The following PDIA6 variants were observed in gnomAD, a reference collection of about 807,000 sequenced individuals.
The protein encoded by PDIA6 is protein disulfide isomerase family A member 6.
In PDIA6, 29 loss-of-function variants were observed where a neutral mutation model predicts 58.4. The ratio of observed to expected loss-of-function variants is 0.50; its 90% CI spans 0.37 to 0.68. PDIA6 has a LOEUF of 0.68. Ranked by LOEUF, PDIA6 falls within the 30% of genes least tolerant of loss-of-function variation. PDIA6 has a pLI of 0.00. For synonymous variants in PDIA6, 192 were observed against 202.6 expected, an observed-to-expected ratio of 0.95 and a Z score of 0.44; for missense variants, 480 against 551.0, an observed-to-expected ratio of 0.87 and a Z score of 1.29.
chr2:10,786,034 C>A (rs964018266), intron 11 of PDIA6, among the ~76,000 whole-genome samples: 2 of 152,056 alleles, frequency 1.3e-5, no homozygotes, highest in East Asian at 2.0e-4. Context: ...AATGAAAACA[C>A]CCCCTTGGCC....
intron 7 of PDIA6, 63 bp from the exon 8 acceptor site, chr2:10,789,952 T>C: frequency 1.4e-6 from 2 of 1,472,062 alleles, no homozygotes; most frequent in Non-Finnish European, 1.9e-6. Flanking sequence ...ACACAATCTT[T>C]ACAGTTTCTA....
chr2:10,816,956 CA>C (rs1667215907), upstream of PDIA6, among the ~76,000 whole-genome samples: 1 of 152,176 alleles, frequency 6.6e-6, no homozygotes, highest in Non-Finnish European at 1.5e-5. Flanking sequence ...AATGACATAT[CA>C]AAAGCCAGAA....
At chr2:10,832,332 C>T in exon 1 of PDIA6, 1 of 764,038 alleles carries the variant, frequency 1.3e-6, no homozygotes, top group Non-Finnish European at 1.6e-6. Context: ...TCTGCTCACA[C>T]AGTGCAATGC....
intron 2 of PDIA6, among the ~76,000 whole-genome samples, chr2:10,800,981 T>A (rs1384605451): frequency 1.3e-5 from 2 of 151,954 alleles, no homozygotes; most frequent in Non-Finnish European, 2.9e-5. Flanking sequence ...AAAAGGAAGT[T>A]AAAAAGCACC....
At chr2:10,793,550 GAC>G (rs1304147343) in intron 4 of PDIA6, among the ~76,000 whole-genome samples, 2 of 152,164 alleles carry the variant, frequency 1.3e-5, no homozygotes, top group African/African-American at 2.4e-5. Flanking sequence ...TTTTAGTAGA[GAC>G]AGGATTTCAC....
At chr2:10,809,645 CAAAAAA>C (rs56308831) in intron 1 of PDIA6, among the ~76,000 whole-genome samples, 58 of 64,672 alleles carry the variant, frequency 9.0e-4, no homozygotes, top group African/African-American at 2.5e-3. Flanking sequence ...GACCCGGTCT[CAAAAAA>C]AAAAAAAAAA....
chr2:10,812,767 G>T lies in PDIA6; in HGVS notation c.-71C>A, dbSNP rs561844398. Reference sequence around the variant, plus strand: ...AGCCCTGCAGCGTGCCGCACGCCGCGCCCCCGCGCCCACGTCCCGCCCCAG... The same window carrying T: ...AGCCCTGCAGCGTGCCGCACGCCGCTCCCCCGCGCCCACGTCCCGCCCCAG... On this transcript the variant is annotated 5_prime_UTR_variant, in exon 1 of 13. Coordinates refer to ENST00000272227, the MANE Select transcript of PDIA6 (RefSeq NM_005742.4). The T allele has an allele frequency of 1.5e-6, 2 of 1,333,664 alleles. No individual in the cohort carries two copies. The highest frequency in any genetic ancestry group is 1.8e-5 in the South Asian group (1 of 56,192). The allele number at this position is 1,333,664 out of a possible 1,614,324, so 82.6% of individuals were successfully genotyped here.
chr2:10,801,960 A>G (rs1408331325), intron 2 of PDIA6, among the ~76,000 whole-genome samples: 1 of 152,216 alleles, frequency 6.6e-6, no homozygotes, highest in South Asian at 2.1e-4. Context: ...GCTGGTTTAC[A>G]GCAGAGACAG....
intron 2 of PDIA6, among the ~76,000 whole-genome samples, chr2:10,802,279 A>G (rs1666543072): frequency 6.6e-6 from 1 of 152,180 alleles, no homozygotes; most frequent in African/African-American, 2.4e-5. Context: ...TTCCTTCCTC[A>G]TAAAAGCAGT....
chr2:10,803,911 GTT>G (rs754643092), intron 1 of PDIA6, among the ~76,000 whole-genome samples: 12 of 117,892 alleles, frequency 1.0e-4, no homozygotes, highest in Middle Eastern at 5.4e-3. Context: ...TAGTTTTTGT[GTT>G]TTTTTTTTTT....
At chr2:10,830,099 G>A (rs1667668946) in intron 1 of PDIA6, among the ~76,000 whole-genome samples, 1 of 152,114 alleles carries the variant, frequency 6.6e-6, no homozygotes, top group Non-Finnish European at 1.5e-5. Flanking sequence ...CTCACCCCAG[G>A]CCCTGGGAGG....
Position 10,791,895 on chromosome 2 carries a change from C to T in PDIA6, c.484G>A (p.Val162Met), listed in dbSNP as rs1413373217. The T allele has an allele frequency of 6.2e-7, 1 of 1,614,048 alleles. No homozygotes were observed. Among genetic ancestry groups the T allele is most frequent in the Admixed American group, 1.7e-5 (1 of 60,028 alleles). ...GRSDSSSKKD[V>M]IELTDDSFDK... ...AAGCTGTCGTCTGTCAGCTCAATCACATCCTTCTTACTTGAACTATCACTT... is the reference window on the plus strand; with the variant it reads ...AAGCTGTCGTCTGTCAGCTCAATCATATCCTTCTTACTTGAACTATCACTT... The change falls in exon 6 of 13, where the codon GTG (valine) becomes ATG (methionine). Residue 162 changes from valine (V) to methionine (M), a missense_variant. Coordinates refer to ENST00000272227, the MANE Select transcript of PDIA6 (RefSeq NM_005742.4).
At chr2:10,821,734 C>T (rs1667401123) in intron 1 of PDIA6, among the ~76,000 whole-genome samples, 2 of 152,002 alleles carry the variant, frequency 1.3e-5, no homozygotes, top group African/African-American at 2.4e-5. Flanking sequence ...AAGTGATCCC[C>T]CTGCCTCAGG....
chr2:10,815,610 T>A (rs1244788573), upstream of PDIA6: 3 of 152,272 alleles, frequency 2.0e-5, no homozygotes, highest in African/African-American at 7.2e-5. Flanking sequence ...AGTGGCGCAA[T>A]CTCGGCTCAC....
chr2:10,810,242 C>CCTAA, intron 1 of PDIA6: 1 of 1,419,442 alleles, frequency 7.0e-7, no homozygotes, highest in African/African-American at 1.4e-5. Context: ...GGATAACTTA[C>CCTAA]CTAAGATCAT....
In PDIA6 at chr2:10,784,981, A is replaced by G. The variant is rs1214273602; in HGVS notation, c.1207T>C (p.Phe403Leu). The G allele has an allele frequency of 1.3e-6, 2 of 1,591,806 alleles. No individual in the cohort carries two copies. Among genetic ancestry groups the G allele is most frequent in the Admixed American group, 3.5e-5 (2 of 57,578 alleles). ...GGCTCTCTCTCAACGATGGTAGGGA[A>G]AGCCCCGCCTCCTACAGGTGCCGTG... ...GSTAPVGGGA[F>L]PTIVEREPWD... Residue 403 changes from phenylalanine to leucine, a missense_variant, in exon 12 of 13, where the codon TTC (phenylalanine) becomes CTC (leucine). Coordinates refer to ENST00000272227, the MANE Select transcript of PDIA6 (RefSeq NM_005742.4).
In PDIA6 at chr2:10,784,156, C is replaced by G. The variant is rs1293213107; in HGVS notation, c.*102G>C. The G allele has an allele frequency of 1.3e-6, 1 of 756,440 alleles. No homozygotes were observed. The highest frequency in any genetic ancestry group is 2.1e-6 in the Non-Finnish European group (1 of 474,394). 46.9% of individuals were successfully genotyped at this position (756,440 alleles called of 1,614,324 possible). On this transcript the variant is annotated 3_prime_UTR_variant, in exon 13 of 13. Transcript: ENST00000272227. ...CAAGTACTACTTCTTGGTTAAAAGGCCACTGGTAGAGTCATCTGAGTGTAG... is the reference window on the plus strand; with the variant it reads ...CAAGTACTACTTCTTGGTTAAAAGGGCACTGGTAGAGTCATCTGAGTGTAG...
chr2:10,816,487 C>G (rs1334029131), upstream of PDIA6, among the ~76,000 whole-genome samples: 3 of 145,276 alleles, frequency 2.1e-5, no homozygotes, highest in South Asian at 2.2e-4. Context: ...TCTTCAGCCT[C>G]TATTCATTTG....
At chr2:10,808,126 C>A (rs1215823895) in intron 1 of PDIA6, among the ~76,000 whole-genome samples, 1 of 152,194 alleles carries the variant, frequency 6.6e-6, no homozygotes, top group Non-Finnish European at 1.5e-5. Context: ...ATAGTGAAGC[C>A]ACTAAAGGGT....
Sources: allele counts gnomAD v4.1 joint callset (sites outside exome capture counted in the v4.1 genomes callset), GRCh38; gene constraint gnomAD v4.1.1; transcripts MANE v1.5; gene names NCBI Gene and HGNC (gene_info 2026-07-23, HGNC 2026-07-21).